The following PDCD1 variants were observed in gnomAD, a reference collection of about 807,000 sequenced individuals.
PDCD1 encodes the protein programmed cell death protein 1.
A neutral mutation model predicts 23.6 loss-of-function variants in PDCD1; 10 were observed. That is an observed-to-expected ratio of 0.42 (90% CI 0.26 to 0.72). The LOEUF (loss-of-function observed/expected upper bound fraction) is 0.72, where lower values mean the gene tolerates loss of function less well. PDCD1 is among the 30% of genes least tolerant of loss of function. The probability of loss-of-function intolerance (pLI) is 0.24; values close to 1 mark genes in which losing one functional copy is unlikely to be tolerated. For synonymous variants in PDCD1, 168 were observed against 169.3 expected (o/e 0.99, Z 0.06); for missense variants, 313 against 397.8 (o/e 0.79, Z 1.81).
chr2:241,852,423 G>A, intron 2 of PDCD1, 70 bp from the exon 3 acceptor site: 1 of 1,164,942 alleles, frequency 8.6e-7, no homozygotes, highest in Non-Finnish European at 1.2e-6. Flanking sequence ...GGTGAGGGCA[G>A]ACTAGAGGGG....
At chr2:241,854,141 A>G (rs573075952) in intron 1 of PDCD1, among the ~76,000 whole-genome samples, 1 of 152,200 alleles carries the variant, frequency 6.6e-6, no homozygotes, top group Non-Finnish European at 1.5e-5. Context: ...ACCAACTCCT[A>G]GTGCCAACCT....
At chr2:241,854,245 G>A (rs1700966647) in intron 1 of PDCD1, among the ~76,000 whole-genome samples, 2 of 152,190 alleles carry the variant, frequency 1.3e-5, no homozygotes, top group Admixed American at 1.3e-4. Flanking sequence ...ATGGCCTCCC[G>A]GCTGACAAGC....
intron 1 of PDCD1, among the ~76,000 whole-genome samples, chr2:241,853,473 A>G (rs1422893903): frequency 6.6e-6 from 1 of 152,258 alleles, no homozygotes; most frequent in African/African-American, 2.4e-5. Context: ...TTTCAGGACA[A>G]GCTCGGAGCT....
intron 1 of PDCD1, among the ~76,000 whole-genome samples, chr2:241,856,489 T>G (rs574485852): frequency 3.9e-5 from 6 of 152,324 alleles, no homozygotes; most frequent in Admixed American, 3.9e-4. Context: ...TTCAAAATAG[T>G]CCGTTTAAAA....
chr2:241,854,055 C>A (rs955187262), intron 1 of PDCD1, among the ~76,000 whole-genome samples: 3 of 152,198 alleles, frequency 2.0e-5, no homozygotes, highest in African/African-American at 7.2e-5. Context: ...CTGCTGCCCT[C>A]GTGTCCCTGC....
chr2:241,850,957 G>A lies in PDCD1; in HGVS notation c.*101C>T, dbSNP rs990160059. On this transcript the variant is annotated 3_prime_UTR_variant, in exon 5 of 5. Transcript: ENST00000334409. ...CCCCCAGGCAGCTCAGCCCCTGGACGGCCTGCAATGGCCTGCACCCTGCCT... is the reference window on the plus strand; with the variant it reads ...CCCCCAGGCAGCTCAGCCCCTGGACAGCCTGCAATGGCCTGCACCCTGCCT... The A allele has an allele frequency of 3.5e-6, 5 of 1,445,620 alleles. No homozygotes were observed. Among genetic ancestry groups the A allele is most frequent in the East Asian group, 2.4e-5 (1 of 40,952 alleles). The allele number at this position is 1,445,620 out of a possible 1,614,324, so 89.5% of individuals were successfully genotyped here.
At chr2:241,854,589 G>A (rs1163022000) in intron 1 of PDCD1, among the ~76,000 whole-genome samples, 1 of 152,184 alleles carries the variant, frequency 6.6e-6, no homozygotes, top group African/African-American at 2.4e-5. Flanking sequence ...AGGGCTCCTG[G>A]GAGGCAGCCT....
Position 241,852,999 on chromosome 2 carries a change from T to C in PDCD1, c.77-19A>G, listed in dbSNP as rs200767861. The C allele has an allele frequency of 9.6e-5, 148 of 1,537,342 alleles. No individual in the cohort carries two copies. In the East Asian group the frequency reaches 1.6e-3, roughly 17 times the overall value. On this transcript the variant is annotated intron_variant, in intron 1 of 4. Coordinates refer to ENST00000334409, the MANE Select transcript of PDCD1 (RefSeq NM_005018.3). ...GGGGAGTCTGAGAGATGGAGAGAGG[T>C]GAGGAAGGGGCTGGGTGGCCCCACA...
At chr2:241,851,787 G>A (rs1156478237) in intron 4 of PDCD1, among the ~76,000 whole-genome samples, 162 bp downstream of exon 4, 1 of 152,176 alleles carries the variant, frequency 6.6e-6, no homozygotes, top group East Asian at 1.9e-4. Flanking sequence ...CCCAGATCAT[G>A]GCTTTAGGGA....
chr2:241,853,491 C>T (rs982627057), intron 1 of PDCD1, among the ~76,000 whole-genome samples: 4 of 152,272 alleles, frequency 2.6e-5, no homozygotes, highest in Non-Finnish European at 5.9e-5. Flanking sequence ...GCTGGGACCA[C>T]GTGGTATGGG....
chr2:241,857,531 T>C (rs1701051974), intron 1 of PDCD1, among the ~76,000 whole-genome samples: 1 of 149,786 alleles, frequency 6.7e-6, no homozygotes, highest in Non-Finnish European at 1.5e-5. Flanking sequence ...TGCCCTCTGG[T>C]TCCCCCGCAG....
intron 1 of PDCD1, among the ~76,000 whole-genome samples, chr2:241,855,990 A>T (rs1010488385): frequency 6.6e-6 from 1 of 152,162 alleles, no homozygotes; most frequent in Non-Finnish European, 1.5e-5. Flanking sequence ...ACTAGGTAAG[A>T]TGAGGGCACA....
In PDCD1 at chr2:241,851,257, T is replaced by A. The variant is rs2124856605; in HGVS notation, c.668A>T (p.Tyr223Phe). ...PSAVPVFSVD[Y>F]GELDFQWREK... ...TCGCCACTGGAAATCCAGCTCCCCA[T>A]AGTCCACAGAGAACACAGGCACGGC... The change falls in exon 5 of 5, where the codon TAT becomes TTT. Residue 223 changes from tyrosine to phenylalanine, a missense_variant. Physicochemically the swap from Tyr to Phe is conservative, Grantham distance 22. This residue lies in a region of PDCD1 where 158 missense variants were observed against 177.5 expected (regional missense o/e 0.89). Coordinates refer to ENST00000334409, the MANE Select transcript of PDCD1 (RefSeq NM_005018.3). The A allele has an allele frequency of 6.2e-7, 1 of 1,613,648 alleles. No individual in the cohort carries two copies. The highest frequency in any genetic ancestry group is 1.1e-5 in the South Asian group (1 of 91,066).
intron 1 of PDCD1, among the ~76,000 whole-genome samples, chr2:241,855,709 G>T (rs1335577053): frequency 6.6e-6 from 1 of 152,198 alleles, no homozygotes; most frequent in Non-Finnish European, 1.5e-5. Context: ...GAACCTGCTG[G>T]CCCAGACCAG....
At chr2:241,854,926 A>G (rs987491683) in intron 1 of PDCD1, among the ~76,000 whole-genome samples, 2 of 152,220 alleles carry the variant, frequency 1.3e-5, no homozygotes, top group Non-Finnish European at 2.9e-5. Context: ...CCACACCGCA[A>G]TGTCCCTGGG....
Position 241,852,307 on chromosome 2 carries a change from C to T in PDCD1, c.483G>A (p.Arg161=). ...VPTAHPSPSP[R]PAGQFQTLVV... ...CCAGGGTTTGGAACTGGCCGGCTGGCCTGGGTGAGGGGCTGGGGTGGGCTG... is the reference window on the plus strand; with the variant it reads ...CCAGGGTTTGGAACTGGCCGGCTGGTCTGGGTGAGGGGCTGGGGTGGGCTG... Residue 161 remains arginine (R), a synonymous_variant, in exon 3 of 5, where the codon AGG becomes AGA. Coordinates refer to ENST00000334409, the MANE Select transcript of PDCD1 (RefSeq NM_005018.3). 6.2e-7 allele frequency: 1 copy of T among 1,610,618 alleles called. No homozygotes were observed. Among genetic ancestry groups the T allele is most frequent in the Middle Eastern group, 1.7e-4 (1 of 5,934 alleles).
chr2:241,856,465 G>T (rs6758577), intron 1 of PDCD1, among the ~76,000 whole-genome samples: 89,502 of 151,830 alleles, frequency 0.59, 26,676 homozygotes, highest in East Asian at 0.74. Context: ...GTTTTTAAAC[G>T]TTTTTGTATA....
chr2:241,856,197 C>T (rs1188853039), intron 1 of PDCD1, among the ~76,000 whole-genome samples: 3 of 152,158 alleles, frequency 2.0e-5, no homozygotes, highest in Admixed American at 6.5e-5. Flanking sequence ...TCCTGCATGT[C>T]CAGCCCCCCA....
rs763027752 is a variant in PDCD1 at position 241,852,222 on chromosome 2, C to T, written c.568G>A (p.Val190Ile). ...CCTCGTGCGGCCCGGGAGCAGATGA[C>T]GGCCAGGACCCAGACTAGCAGCACC... Reference protein sequence around the residue: ...SLVLLVWVLAVICSRAARGTI... With the variant: ...SLVLLVWVLAIICSRAARGTI... The change falls in exon 3 of 5, where the codon GTC becomes ATC. Residue 190 changes from valine (V) to isoleucine (I), a missense_variant. By Grantham distance (29) the Val-to-Ile change is conservative (BLOSUM62 3). Transcript: ENST00000334409. 2.5e-5 allele frequency: 41 copies of T among 1,610,090 alleles called. No individual in the cohort carries two copies. The highest frequency in any genetic ancestry group is 5.0e-5 in the Admixed American group (3 of 59,674).
Sources: gnomAD v4.1 joint callset for allele counts (sites outside exome capture counted in the v4.1 genomes callset) on GRCh38, gnomAD v4.1.1 for gene constraint, gnomAD v4.1.1 regional missense constraint, MANE v1.5 for transcripts, NCBI Gene and HGNC (gene_info 2026-07-23, HGNC 2026-07-21) for gene names.